AVEN: variants seen among roughly 807,000 people sequenced by gnomAD.
The protein encoded by AVEN is cell death regulator Aven.
A neutral mutation model predicts 38.1 loss-of-function variants in AVEN; 41 were observed. The observed-to-expected ratio is 1.08, with a 90% confidence interval of 0.84 to 1.40. The LOEUF (loss-of-function observed/expected upper bound fraction) is 1.40. AVEN is among the 40% of genes most tolerant of loss of function. The pLI, the probability that AVEN is intolerant of heterozygous loss-of-function variation, is 0.00. For missense variants in AVEN, 605 were observed against 438.8 expected, an observed-to-expected ratio of 1.38 and a Z score of -3.38; for synonymous variants, 206 against 171.8, an observed-to-expected ratio of 1.20 and a Z score of -1.56.
chr15:33,978,256 C>A (rs1895974069), intron 2 of AVEN, among the ~76,000 whole-genome samples: 1 of 152,170 alleles, frequency 6.6e-6, no homozygotes, highest in Non-Finnish European at 1.5e-5. Context: ...ATCCTCTGAA[C>A]ATGTGTGGTA....
chr15:34,072,530 A>G (rs1900648106), intron 1 of AVEN, among the ~76,000 whole-genome samples: 1 of 150,204 alleles, frequency 6.7e-6, no homozygotes, highest in Non-Finnish European at 1.5e-5. Flanking sequence ...GAATCATTTG[A>G]ACCCAGGAGG....
At chr15:33,955,135 T>G (rs1039689112) in intron 2 of AVEN, among the ~76,000 whole-genome samples, 2 of 152,214 alleles carry the variant, frequency 1.3e-5, no homozygotes, top group Non-Finnish European at 2.9e-5. Flanking sequence ...TAACCTTAAG[T>G]GTCAGAAAAT....
At chr15:33,864,867 T>C (rs1224610637), downstream of AVEN, 5 of 419,750 alleles carry the variant, frequency 1.2e-5, no homozygotes, top group East Asian at 1.9e-4. Flanking sequence ...GTATGTTTAG[T>C]GGCAAACATT....
the AVEN span, chr15:33,853,219 C>G: frequency 1.1e-6 from 1 of 938,124 alleles, no homozygotes; most frequent in Non-Finnish European, 1.6e-6. Context: ...GAGTAAGTCA[C>G]AGAAGGGGTT....
chr15:33,939,021 T>C (rs1401213267), intron 2 of AVEN, among the ~76,000 whole-genome samples: 1 of 152,180 alleles, frequency 6.6e-6, no homozygotes, highest in Non-Finnish European at 1.5e-5. Flanking sequence ...TTTGGTATTT[T>C]TAGTAGAGAC....
At chr15:33,957,382 A>G (rs1450134726) in intron 2 of AVEN, among the ~76,000 whole-genome samples, 2 of 152,174 alleles carry the variant, frequency 1.3e-5, no homozygotes, top group Non-Finnish European at 2.9e-5. Flanking sequence ...GAGTCAATAA[A>G]AATTTAATCA....
At chr15:33,913,632 G>C (rs2153045922) in intron 2 of AVEN, among the ~76,000 whole-genome samples, 1 of 152,298 alleles carries the variant, frequency 6.6e-6, no homozygotes, top group East Asian at 1.9e-4. Context: ...ATTACCTTAA[G>C]TCATTGAAGT....
rs568492308 is a variant in AVEN, at chr15:33,904,708, T to TACACACACAC, written c.446-28714_446-28713insGTGTGTGTGT. Among the ~76,000 whole-genome samples, 1,095 of 114,986 alleles carry TACACACACAC rather than the reference T, an allele frequency of 9.5e-3. 20 individuals are homozygous for TACACACACAC. Among genetic ancestry groups the TACACACACAC allele is most frequent in the African/African-American group, 0.037 (1,050 of 28,452 alleles). The allele number at this position is 114,986 out of a possible 152,430, so 75.4% of individuals were successfully genotyped here. A position where few individuals can be genotyped will look rare whatever the true frequency, so the allele number is the denominator to read the frequency against. ...AAAAAAAAAAAAATATATATATATA[T>TACACACACAC]ATATATATACACACACACACGAATA... is the stretch of plus-strand genomic sequence containing the variant. On this transcript the variant is annotated intron_variant, in intron 2 of 5. Coordinates refer to ENST00000306730, the MANE Select transcript of AVEN (RefSeq NM_020371.3).
At chr15:33,853,116 G>C in the AVEN span, 40 of 1,543,592 alleles carry the variant, frequency 2.6e-5, no homozygotes, top group Non-Finnish European at 3.3e-5. Context: ...GGTGAGTTCC[G>C]TGATCACCAA....
chr15:34,038,073 A>G (rs892918526), intron 1 of AVEN, among the ~76,000 whole-genome samples: 17 of 152,186 alleles, frequency 1.1e-4, no homozygotes, highest in African/African-American at 3.4e-4. Context: ...GAATGTGTCA[A>G]TAAGACTGAT....
exon 4 of AVEN, chr15:34,065,975 A>T (rs1410039451): frequency 6.6e-6 from 1 of 152,236 alleles, no homozygotes; most frequent in African/African-American, 2.4e-5. Flanking sequence ...TATGTACCTG[A>T]GTATGGGAGA....
chr15:33,935,620 T>A (rs1316886453), intron 2 of AVEN, among the ~76,000 whole-genome samples: 1 of 152,186 alleles, frequency 6.6e-6, no homozygotes, highest in Non-Finnish European at 1.5e-5. Context: ...TTCATTAGTC[T>A]ACTTTCTTTT....
At chr15:33,880,274 G>C (rs7178490) in intron 2 of AVEN, among the ~76,000 whole-genome samples, 3,703 of 152,190 alleles carry the variant, frequency 0.024, 142 homozygotes, top group African/African-American at 0.085. Context: ...CTGGAGAGAA[G>C]AGAAGCAAAC....
At chr15:33,977,880 C>A (rs915456948) in intron 2 of AVEN, among the ~76,000 whole-genome samples, 2 of 151,544 alleles carry the variant, frequency 1.3e-5, no homozygotes, top group Non-Finnish European at 2.9e-5. Context: ...AAAGCCGCAG[C>A]AAGCTGTGAA....
rs78281717 is a variant in AVEN at position 33,867,022 on chromosome 15, A to T, written c.974-294T>A. The stretch of plus-strand genomic sequence containing the variant: ...GGAAAATTAAAGGATCTCAAATGTA[A>T]TACATGCATGTGGCAATCACCTTAG... On this transcript the variant is annotated intron_variant, in intron 5 of 5. Transcript: ENST00000306730. 4.7e-4 allele frequency among the ~76,000 whole-genome samples: 72 copies of T among 152,306 alleles called. 1 individual carries two copies. The East Asian group carries it at 0.014, about 29-fold the overall frequency.
At chr15:33,927,422 ATAGT>A (rs1893663834) in intron 2 of AVEN, among the ~76,000 whole-genome samples, 1 of 152,192 alleles carries the variant, frequency 6.6e-6, no homozygotes, top group Non-Finnish European at 1.5e-5. Context: ...AATAATAATG[ATAGT>A]TAATTCATCT....
downstream of AVEN, among the ~76,000 whole-genome samples, chr15:33,854,147 G>T (rs146585864): frequency 0.021 from 3,041 of 148,126 alleles, 101 homozygotes; most frequent in Non-Finnish European, 0.019. Flanking sequence ...AGTAAGCCAA[G>T]ATCACGCCAC....
chr15:33,906,552 A>G (rs1301791988), intron 2 of AVEN, among the ~76,000 whole-genome samples: 1 of 152,200 alleles, frequency 6.6e-6, no homozygotes, highest in East Asian at 1.9e-4. Context: ...AATAAGTGGA[A>G]TTCTCGAAAT....
At chr15:33,943,283 G>A (rs1377608393) in intron 2 of AVEN, among the ~76,000 whole-genome samples, 1 of 152,176 alleles carries the variant, frequency 6.6e-6, no homozygotes, top group Non-Finnish European at 1.5e-5. Context: ...TCAAAAGGAA[G>A]GAAATCCTGT....
Sources: gnomAD v4.1 joint callset for allele counts (sites outside exome capture counted in the v4.1 genomes callset) on GRCh38, gnomAD v4.1.1 for gene constraint, MANE v1.5 for transcripts, NCBI Gene and HGNC (gene_info 2026-07-23, HGNC 2026-07-21) for gene names.